Variants in SLC30A10 observed in about 807,000 individuals in gnomAD.
The protein encoded by SLC30A10 is solute carrier family 30 member 10.
In SLC30A10, 8 loss-of-function variants were observed where a neutral mutation model predicts 21.7. The ratio of observed to expected loss-of-function variants is 0.37; its 90% confidence interval spans 0.22 to 0.67. The LOEUF (loss-of-function observed/expected upper bound fraction) is 0.67. Ranked by LOEUF, SLC30A10 falls within the 30% of genes least tolerant of loss-of-function variation. SLC30A10 has a pLI of 0.58. For missense variants in SLC30A10, 521 were observed against 642.5 expected (o/e 0.81, Z 2.04); for synonymous variants, 272 against 279.4 (o/e 0.97, Z 0.26).
chr1:219,938,730 T>A (rs1489552548), intron 1 of SLC30A10, among the ~76,000 whole-genome samples: 3 of 152,220 alleles, frequency 2.0e-5, no homozygotes, highest in African/African-American at 7.2e-5. Context: ...AAATGGGTAT[T>A]ATTTATGTGT....
At chr1:219,925,651 A>ATATATATATATATATATTTTT (rs1317554458) in intron 2 of SLC30A10, among the ~76,000 whole-genome samples, 5 of 48,284 alleles carry the variant, frequency 1.0e-4, no homozygotes, top group Admixed American at 3.9e-4. Flanking sequence ...ATATATATAT[A>ATATATATATATATATATTTTT]TTTTTTTTTT....
At chr1:219,937,225 C>T (rs947268043) in intron 1 of SLC30A10, among the ~76,000 whole-genome samples, 2 of 152,128 alleles carry the variant, frequency 1.3e-5, no homozygotes, top group Admixed American at 1.3e-4. Context: ...TGAGTACAGC[C>T]TGATATTTGT....
chr1:219,946,545 T>C (rs932405931), intron 1 of SLC30A10, among the ~76,000 whole-genome samples: 12 of 152,238 alleles, frequency 7.9e-5, no homozygotes, highest in African/African-American at 1.9e-4. Context: ...TAGCCTCCAT[T>C]CCCTCCCCAG....
upstream of SLC30A10, among the ~76,000 whole-genome samples, chr1:219,929,223 G>A (rs189673252): frequency 1.2e-4 from 18 of 152,288 alleles, no homozygotes; most frequent in Non-Finnish European, 2.2e-4. Context: ...GATCGTCCCC[G>A]TTCCCCTTCA....
At chr1:219,917,405 C>T (rs1441132592) in intron 3 of SLC30A10, among the ~76,000 whole-genome samples, 1 of 152,100 alleles carries the variant, frequency 6.6e-6, no homozygotes, top group Non-Finnish European at 1.5e-5. Flanking sequence ...GGGAAATGAT[C>T]TAGCTCCTGG....
intron 3 of SLC30A10, among the ~76,000 whole-genome samples, chr1:219,917,856 G>A (rs530510950): frequency 5.9e-5 from 9 of 151,930 alleles, no homozygotes; most frequent in South Asian, 2.1e-4. Flanking sequence ...GATTACAGGC[G>A]CGTGCTACCA....
Position 219,911,149 on chromosome 1 carries a change from GT to G in SLC30A10, c.*4299del. On this transcript the variant is annotated 3_prime_UTR_variant, in exon 4 of 4. Transcript: ENST00000366926. ...ATGTTTCTTCATTTTTTCTACATCA[GT>G]TTTTTTTTTTTTTTTTTTTTTTTTG... Among the ~76,000 whole-genome samples the G allele has an allele frequency of 0.017, 846 of 49,350 alleles. 3 individuals are homozygous for G. Among genetic ancestry groups the G allele is most frequent in the East Asian group, 0.062 (73 of 1,184 alleles). 32.4% of individuals were successfully genotyped at this position (49,350 alleles called of 152,430 possible). A position where few individuals can be genotyped will look rare whatever the true frequency, so the allele number is the denominator to read the frequency against.
At chr1:219,927,170 G>T in intron 1 of SLC30A10, 65 bp from the exon 2 acceptor site, 1 of 1,530,856 alleles carries the variant, frequency 6.5e-7, no homozygotes, top group South Asian at 1.1e-5. Context: ...AAAAACCAAT[G>T]GACTCAAAAT....
At position 219,928,478 on chromosome 1, in the gene SLC30A10, G is replaced by A. The variant is rs1197475143; in HGVS notation, c.-38C>T. On this transcript the variant is annotated 5_prime_UTR_variant, in exon 1 of 4. Transcript: ENST00000366926. The surrounding 1 kb of genome is among the most constrained non-coding windows in gnomAD (Gnocchi z 6.3). ...CCCGGGCGCCCGGCGCCGCCCAGGG[G>A]AGCGCAGCCCACCCCGCGCGCAGCC... 31 of 1,520,088 alleles carry A rather than the reference G, an allele frequency of 2.0e-5. No individual in the cohort carries two copies. The highest frequency in any genetic ancestry group is 2.5e-5 in the Non-Finnish European group (29 of 1,139,612). 94.2% of individuals were successfully genotyped at this position (1,520,088 alleles called of 1,614,324 possible). A position where few individuals can be genotyped will look rare whatever the true frequency, so the allele number is the denominator to read the frequency against.
intron 1 of SLC30A10, among the ~76,000 whole-genome samples, chr1:219,934,104 C>T (rs529806229): frequency 3.3e-5 from 5 of 152,270 alleles, no homozygotes; most frequent in South Asian, 2.1e-4. Flanking sequence ...CTGGCTAACA[C>T]GGTGAAACCT....
chr1:219,955,907 TA>T (rs1660342918), intron 1 of SLC30A10, among the ~76,000 whole-genome samples: 1 of 152,242 alleles, frequency 6.6e-6, no homozygotes, highest in Non-Finnish European at 1.5e-5. Flanking sequence ...TCTCATAGTT[TA>T]TAACTCCTTT....
intron 1 of SLC30A10, among the ~76,000 whole-genome samples, chr1:219,953,795 C>T (rs1558262061): frequency 6.6e-6 from 1 of 151,654 alleles, no homozygotes; most frequent in Non-Finnish European, 1.5e-5. Context: ...CAAGCTCCAC[C>T]TCCTGGGTTC....
Position 219,927,944 on chromosome 1 carries a change from G to T in SLC30A10, c.497C>A (p.Ala166Asp). 1.3e-6 allele frequency: 2 copies of T among 1,539,702 alleles called. No homozygotes were observed. The highest frequency in any genetic ancestry group is 8.7e-7 in the Non-Finnish European group (1 of 1,142,866). ...CTCCGCGCCCTGAGGCCCCCCGAAA[G>T]CGCCGGGGACACAGCCCTCCGCCAG... ...QQLAEGCVPG[A>D]FGGPQGAEDP... The change falls in exon 1 of 4, where the codon GCT becomes GAT. Residue 166 changes from alanine (A) to aspartate (D), a missense_variant. By Grantham distance (126) the Ala-to-Asp change is moderately radical. Transcript: ENST00000366926.
chr1:219,921,013 C>G (rs1659664343), intron 2 of SLC30A10, among the ~76,000 whole-genome samples: 2 of 152,148 alleles, frequency 1.3e-5, no homozygotes, highest in Admixed American at 6.6e-5. Context: ...TAAATACACT[C>G]TTTTAAGTTG....
upstream of SLC30A10, among the ~76,000 whole-genome samples, chr1:219,933,333 C>G (rs2102539217): frequency 1.3e-5 from 2 of 152,264 alleles, no homozygotes; most frequent in Admixed American, 1.3e-4. Flanking sequence ...TCACGTGATA[C>G]CACCTACTTA....
At chr1:219,933,640 A>C (rs952372110), upstream of SLC30A10, among the ~76,000 whole-genome samples, 1 of 152,238 alleles carries the variant, frequency 6.6e-6, no homozygotes, top group African/African-American at 2.4e-5. Flanking sequence ...TGCCAGGTTC[A>C]TAAGAAAGGC....
In SLC30A10 at chr1:219,912,998, C is replaced by T. The variant is rs1365624994; in HGVS notation, c.*2451G>A. Among the ~76,000 whole-genome samples, 1 of 152,172 alleles carries T rather than the reference C, an allele frequency of 6.6e-6. No individual in the cohort carries two copies. The highest frequency in any genetic ancestry group is 1.5e-5 in the Non-Finnish European group (1 of 68,026). On this transcript the variant is annotated 3_prime_UTR_variant, in exon 4 of 4. Coordinates refer to ENST00000366926, the MANE Select transcript of SLC30A10 (RefSeq NM_018713.3). The stretch of plus-strand genomic sequence containing the variant: ...ACAGTGCTGTTTTAAATCTATTTAT[C>T]AGCTGCTACTGCCACCAAGCAGGGC...
chr1:219,954,210 C>T (rs889508255), intron 1 of SLC30A10, among the ~76,000 whole-genome samples: 5 of 152,050 alleles, frequency 3.3e-5, no homozygotes, highest in Admixed American at 6.6e-5. Context: ...TGAGTCTTAA[C>T]TAGAAGCTTG....
Position 219,914,424 on chromosome 1 carries a change from G to T in SLC30A10, c.*1025C>A, listed in dbSNP as rs911629407. 6 of 152,152 alleles carry T rather than the reference G, an allele frequency of 3.9e-5. No homozygotes were observed. The highest frequency in any genetic ancestry group is 1.4e-4 in the African/African-American group (6 of 41,442). 9.4% of individuals were successfully genotyped at this position (152,152 alleles called of 1,614,324 possible). On this transcript the variant is annotated 3_prime_UTR_variant, in exon 4 of 4. Coordinates refer to ENST00000366926, the MANE Select transcript of SLC30A10 (RefSeq NM_018713.3). Reference sequence around the variant, plus strand: ...CCTTGGGCATCAACTTTTTCATTGAGTTACTAGTTGACAACTATAATAAAT... The same window carrying T: ...CCTTGGGCATCAACTTTTTCATTGATTTACTAGTTGACAACTATAATAAAT...
Sources: allele counts gnomAD v4.1 joint callset (sites outside exome capture counted in the v4.1 genomes callset), GRCh38; gene constraint gnomAD v4.1.1; non-coding constraint Gnocchi (gnomAD v3.1); transcripts MANE v1.5; gene names NCBI Gene and HGNC (gene_info 2026-07-23, HGNC 2026-07-21).